APOLD1: variants seen among roughly 807,000 people sequenced by gnomAD.
APOLD1 encodes the protein apolipoprotein L domain containing 1.
A neutral mutation model predicts 15.3 loss-of-function variants in APOLD1; 22 were observed. The ratio of observed to expected loss-of-function variants is 1.44; its 90% CI spans 1.03 to 2.05. The LOEUF (loss-of-function observed/expected upper bound fraction) is 2.05, where lower values mean the gene tolerates loss of function less well. Among genes scored for constraint, APOLD1 ranks in the 30% most tolerant of loss-of-function variants. The probability of loss-of-function intolerance (pLI) is 0.00; values close to 1 mark genes in which losing one functional copy is unlikely to be tolerated. For missense variants in APOLD1, 394 were observed against 353.5 expected (o/e 1.11, Z -0.92); for synonymous variants, 190 against 167.4 (o/e 1.13, Z -1.04).
intron 1 of APOLD1, among the ~76,000 whole-genome samples, chr12:12,746,046 G>A (rs577358320): frequency 2.0e-5 from 3 of 152,082 alleles, no homozygotes; most frequent in Non-Finnish European, 4.4e-5. Flanking sequence ...TGGCAGCTCC[G>A]TGATCACTCA....
chr12:12,726,472 A>T (rs956447556), intron 1 of APOLD1: 2 of 284,310 alleles, frequency 7.0e-6, no homozygotes, highest in South Asian at 3.1e-5. Context: ...GACATTCTTT[A>T]TGAATTAGAA....
chr12:12,759,275 G>T (rs983287977), intron 1 of APOLD1, among the ~76,000 whole-genome samples: 1 of 152,116 alleles, frequency 6.6e-6, no homozygotes, highest in Admixed American at 6.6e-5. Context: ...AAACCATTAT[G>T]AACACATGGA....
chr12:12,761,341 A>G (rs1008551751), intron 1 of APOLD1, among the ~76,000 whole-genome samples: 8 of 152,184 alleles, frequency 5.3e-5, no homozygotes, highest in Admixed American at 3.3e-4. Flanking sequence ...TTTCTTTTGG[A>G]TTAATGGTCT....
intron 1 of APOLD1, 60 bp from the exon 2 acceptor site, chr12:12,786,833 TGGCGTCCGGGCAGCAG>T: frequency 7.5e-7 from 1 of 1,334,022 alleles, no homozygotes; most frequent in Non-Finnish European, 9.5e-7. Flanking sequence ...AAGTTCCCGC[TGGCGTCCGGGCAGCAG>T]GGCGGGAGCG....
chr12:12,747,626 T>C (rs1310975922), intron 1 of APOLD1, among the ~76,000 whole-genome samples: 3 of 152,208 alleles, frequency 2.0e-5, no homozygotes, highest in Non-Finnish European at 4.4e-5. Context: ...CCCAGTCCTA[T>C]CAGGAATAAA....
upstream of APOLD1, among the ~76,000 whole-genome samples, chr12:12,781,778 C>T (rs577930177): frequency 8.0e-4 from 122 of 151,636 alleles, no homozygotes; most frequent in African/African-American, 2.8e-3. Flanking sequence ...CTGCCTGCCT[C>T]GGCCTCCCAA....
Position 12,791,353 on chromosome 12 carries a change from C to A in APOLD1, c.*3701C>A, listed in dbSNP as rs895464276. The A allele has an allele frequency of 6.6e-6, 1 of 152,162 alleles. No individual in the cohort carries two copies. Among genetic ancestry groups the A allele is most frequent in the South Asian group, 2.1e-4 (1 of 4,830 alleles). 9.4% of individuals were successfully genotyped at this position (152,162 alleles called of 1,614,324 possible). On this transcript the variant is annotated 3_prime_UTR_variant, in exon 2 of 2. Transcript: ENST00000356591. ...AATTGAGACACTGAGATAAAGACAT[C>A]GTGCAGAGATAAATGGGGATACAGT...
intron 1 of APOLD1, among the ~76,000 whole-genome samples, chr12:12,751,995 T>A (rs1946815702): frequency 6.6e-6 from 1 of 152,164 alleles, no homozygotes; most frequent in South Asian, 2.1e-4. Context: ...CATTCTCCCC[T>A]CAGAGGCTTC....
chr12:12,757,234 C>G (rs1396231076), intron 1 of APOLD1, among the ~76,000 whole-genome samples: 1 of 152,154 alleles, frequency 6.6e-6, no homozygotes, highest in Non-Finnish European at 1.5e-5. Flanking sequence ...TTGCAGGTGT[C>G]TCCAGGAGAA....
At chr12:12,730,081 A>T (rs74333001) in intron 1 of APOLD1, among the ~76,000 whole-genome samples, 37 of 65,438 alleles carry the variant, frequency 5.7e-4, no homozygotes, top group Non-Finnish European at 8.2e-4. Flanking sequence ...TGTGTGTGAG[A>T]GAGAGAGAGA....
At chr12:12,758,805 A>G (rs935033736) in intron 1 of APOLD1, among the ~76,000 whole-genome samples, 1 of 152,170 alleles carries the variant, frequency 6.6e-6, no homozygotes, top group Non-Finnish European at 1.5e-5. Context: ...GATCTTAGCA[A>G]TCTCGGCATA....
At chr12:12,785,469 CACAATGTTCGTTTCCTA>C, upstream of APOLD1, 1 of 634,046 alleles carries the variant, frequency 1.6e-6, no homozygotes, top group South Asian at 2.1e-5. Flanking sequence ...AAAGCGAACA[CACAATGTTCGTTTCCTA>C]AATACGGGAT....
chr12:12,778,304 C>G (rs777205334), intron 1 of APOLD1, among the ~76,000 whole-genome samples: 14 of 150,716 alleles, frequency 9.3e-5, no homozygotes, highest in Non-Finnish European at 1.5e-4. Context: ...GCATATACCT[C>G]TCTATCTTTT....
At chr12:12,777,889 GTTTTT>G (rs71436735) in intron 1 of APOLD1, among the ~76,000 whole-genome samples, 398 of 116,902 alleles carry the variant, frequency 3.4e-3, no homozygotes, top group African/African-American at 7.2e-3. Flanking sequence ...AAGGAAAGGT[GTTTTT>G]TTTTTTTTTT....
At chr12:12,759,766 G>C (rs537610942) in intron 1 of APOLD1, among the ~76,000 whole-genome samples, 12 of 152,348 alleles carry the variant, frequency 7.9e-5, no homozygotes, top group Non-Finnish European at 1.6e-4. Context: ...CATGGCCAGA[G>C]CCAACGGGAG....
chr12:12,769,227 TAA>T (rs35276279), intron 1 of APOLD1, among the ~76,000 whole-genome samples: 91 of 61,776 alleles, frequency 1.5e-3, no homozygotes, highest in Middle Eastern at 7.7e-3. Flanking sequence ...GACCTCCAGC[TAA>T]AAAAAAAAAA....
chr12:12,772,636 T>C (rs754258637), intron 1 of APOLD1, among the ~76,000 whole-genome samples: 4 of 152,250 alleles, frequency 2.6e-5, no homozygotes, highest in Non-Finnish European at 4.4e-5. Flanking sequence ...ATCAACTGGA[T>C]GTAATTGACA....
chr12:12,787,398 A>G lies in APOLD1; in HGVS notation c.493A>G (p.Asn165Asp). Residue 165 changes from asparagine to aspartate, a missense_variant, in exon 2 of 2, where the codon AAT (asparagine) becomes GAT (aspartate). Transcript: ENST00000356591. This position sits in a 1 kb window ranked among gnomAD's most constrained non-coding sequence, Gnocchi z 4.9. The part of the protein sequence containing the change: ...CGRNASIALY[N>D]SVYFIVFFGS... ...GAGGAACGCCTCCATCGCCCTGTAC[A>G]ATTCTGTCTACTTCATCGTCTTCTT... 1.2e-6 allele frequency: 2 copies of G among 1,614,134 alleles called. No homozygotes were observed. Among genetic ancestry groups the G allele is most frequent in the South Asian group, 1.1e-5 (1 of 91,086 alleles).
In APOLD1 at chr12:12,789,052, T is replaced by C. The variant is rs1456805831; in HGVS notation, c.*1400T>C. ...GAAGTTCCTGAAACTGACCTTTGTC[T>C]ATTATTACCTTCTCTGAAAAGTGCC... On this transcript the variant is annotated 3_prime_UTR_variant, in exon 2 of 2. Coordinates refer to ENST00000356591, the MANE Select transcript of APOLD1 (RefSeq NM_030817.3). 1 of 152,280 alleles carries C rather than the reference T, an allele frequency of 6.6e-6. No individual in the cohort carries two copies. The highest frequency in any genetic ancestry group is 1.5e-5 in the Non-Finnish European group (1 of 68,050). 9.4% of individuals were successfully genotyped at this position (152,280 alleles called of 1,614,324 possible).
Sources: gnomAD v4.1 joint callset for allele counts (sites outside exome capture counted in the v4.1 genomes callset) on GRCh38, gnomAD v4.1.1 for gene constraint, Gnocchi (gnomAD v3.1) non-coding constraint, MANE v1.5 for transcripts, NCBI Gene and HGNC (gene_info 2026-07-23, HGNC 2026-07-21) for gene names.